The following EEFSEC variants were observed in gnomAD, a reference collection of about 807,000 sequenced individuals.
The protein encoded by EEFSEC is selenocysteine-specific elongation factor.
A neutral mutation model predicts 42.1 loss-of-function variants in EEFSEC; 43 were observed. The ratio of observed to expected loss-of-function variants is 1.02; its 90% CI spans 0.80 to 1.32. EEFSEC has a LOEUF of 1.32. Ranked by LOEUF, EEFSEC falls within the 40% of genes most tolerant of loss-of-function variation. EEFSEC has a pLI of 0.00. For missense variants in EEFSEC, 745 were observed against 803.6 expected, an observed-to-expected ratio of 0.93 and a Z score of 0.88; for synonymous variants, 354 against 339.1, an observed-to-expected ratio of 1.04 and a Z score of -0.48.
At chr3:128,330,666 G>A (rs1449417561) in intron 4 of EEFSEC, among the ~76,000 whole-genome samples, 2 of 152,076 alleles carry the variant, frequency 1.3e-5, no homozygotes, top group Non-Finnish European at 1.5e-5. Context: ...CACGCTGTGT[G>A]CAAGGGCCTT....
At chr3:128,407,364 C>T (rs1469405413) in intron 6 of EEFSEC, among the ~76,000 whole-genome samples, 2 of 152,206 alleles carry the variant, frequency 1.3e-5, no homozygotes, top group African/African-American at 4.8e-5. Context: ...CTCTGTGAGC[C>T]CCATGGCCCC....
chr3:128,263,920 C>G (rs2066324653), intron 3 of EEFSEC, among the ~76,000 whole-genome samples: 1 of 152,172 alleles, frequency 6.6e-6, no homozygotes, highest in South Asian at 2.1e-4. Flanking sequence ...CCCCTTGTTT[C>G]TTCTTCTTTC....
chr3:128,307,299 T>C (rs2066838950), intron 4 of EEFSEC, among the ~76,000 whole-genome samples: 1 of 152,194 alleles, frequency 6.6e-6, no homozygotes, highest in African/African-American at 2.4e-5. Flanking sequence ...TCAGAGTCCA[T>C]GTTCCCTGGG....
chr3:128,193,454 C>G (rs904670346), intron 1 of EEFSEC, among the ~76,000 whole-genome samples: 2 of 152,188 alleles, frequency 1.3e-5, no homozygotes, highest in Non-Finnish European at 1.5e-5. Context: ...TGCCTGTAGC[C>G]TGACTATTGG....
chr3:128,226,619 C>A lies in EEFSEC; in HGVS notation c.317-20217C>A, dbSNP rs189477487. Reference sequence around the variant, plus strand: ...CTCCCTCCAGTTGCTAAATTCCCCTCTTCTATGCTTGCTTAGCAGAAACTT... The same window carrying A: ...CTCCCTCCAGTTGCTAAATTCCCCTATTCTATGCTTGCTTAGCAGAAACTT... On this transcript the variant is annotated intron_variant, in intron 1 of 6. Transcript: ENST00000254730. Among the ~76,000 whole-genome samples, 110 of 152,288 alleles carry A rather than the reference C, an allele frequency of 7.2e-4. 3 individuals are homozygous for A. The East Asian group carries it at 0.019, about 26-fold the overall frequency.
At chr3:128,295,128 A>G (rs1272188334) in intron 4 of EEFSEC, among the ~76,000 whole-genome samples, 1 of 152,218 alleles carries the variant, frequency 6.6e-6, no homozygotes, top group Non-Finnish European at 1.5e-5. Flanking sequence ...AGGTGAAACA[A>G]AAAGAGGCCA....
the EEFSEC span, among the ~76,000 whole-genome samples, chr3:128,421,930 G>T: frequency 6.6e-6 from 1 of 152,152 alleles, no homozygotes; most frequent in African/African-American, 2.4e-5. Flanking sequence ...AGCTCCCTCC[G>T]CACTCCCCCG....
chr3:128,359,365 G>A (rs970882199), intron 6 of EEFSEC, among the ~76,000 whole-genome samples: 7 of 152,162 alleles, frequency 4.6e-5, no homozygotes, highest in Non-Finnish European at 8.8e-5. Flanking sequence ...GCCTGTGTTC[G>A]TATGAATGGG....
At chr3:128,160,148 C>T (rs1177271959) in intron 1 of EEFSEC, among the ~76,000 whole-genome samples, 1 of 152,242 alleles carries the variant, frequency 6.6e-6, no homozygotes. Flanking sequence ...TAGGGCCTGG[C>T]CTGTAGTGAA....
At chr3:128,242,268 A>C (rs113665683) in intron 1 of EEFSEC, among the ~76,000 whole-genome samples, 2 of 152,060 alleles carry the variant, frequency 1.3e-5, no homozygotes, top group African/African-American at 4.8e-5. Context: ...GCAGTGAGCT[A>C]TGATTGCACC....
intron 1 of EEFSEC, among the ~76,000 whole-genome samples, chr3:128,184,372 C>T (rs537085898): frequency 1.3e-5 from 2 of 152,292 alleles, no homozygotes; most frequent in Admixed American, 1.3e-4. Flanking sequence ...TCCTGGCCAC[C>T]GCCATTCTAT....
At chr3:128,192,203 G>A (rs757267043) in intron 1 of EEFSEC, among the ~76,000 whole-genome samples, 1 of 152,146 alleles carries the variant, frequency 6.6e-6, no homozygotes, top group Non-Finnish European at 1.5e-5. Flanking sequence ...CCTTGGCTGT[G>A]ACTTCACTCC....
chr3:128,292,506 T>A (rs2066654696), intron 4 of EEFSEC, among the ~76,000 whole-genome samples: 1 of 151,690 alleles, frequency 6.6e-6, no homozygotes, highest in South Asian at 2.1e-4. Context: ...TGATGTATAT[T>A]ATATATGATT....
chr3:128,187,780 G>C (rs1191269501), intron 1 of EEFSEC, among the ~76,000 whole-genome samples: 1 of 152,224 alleles, frequency 6.6e-6, no homozygotes, highest in African/African-American at 2.4e-5. Flanking sequence ...AGTCAGGGAA[G>C]ACTTCACAGA....
rs138218409 is a variant in EEFSEC, at chr3:128,343,765, C to T, written c.1443+1876C>T. ...ATATGGCCTCAATGACTCATGCCTC[C>T]GAAGGGCTGAGGGAGGGGCCAGGAG... is the stretch of plus-strand genomic sequence containing the variant. On this transcript the variant is annotated intron_variant, in intron 5 of 6. Transcript: ENST00000254730. Among the ~76,000 whole-genome samples the T allele has an allele frequency of 5.9e-5, 9 of 152,260 alleles. 1 individual carries two copies. The East Asian group carries it at 9.7e-4, about 16-fold the overall frequency.
chr3:128,338,291 C>G (rs1432304036), intron 4 of EEFSEC, among the ~76,000 whole-genome samples: 2 of 152,180 alleles, frequency 1.3e-5, no homozygotes, highest in African/African-American at 2.4e-5. Context: ...GCGGCACCCT[C>G]CCGCTGGGGC....
chr3:128,321,277 G>T (rs948480332), intron 4 of EEFSEC, among the ~76,000 whole-genome samples: 1 of 152,124 alleles, frequency 6.6e-6, no homozygotes, highest in African/African-American at 2.4e-5. Flanking sequence ...CTGGCTTTCT[G>T]CTTGTGTGTT....
intron 4 of EEFSEC, among the ~76,000 whole-genome samples, chr3:128,267,861 A>T (rs535375562): frequency 1.4e-4 from 21 of 152,358 alleles, no homozygotes; most frequent in African/African-American, 4.6e-4. Flanking sequence ...GGACCCCTTG[A>T]TGTATATAAG....
intron 1 of EEFSEC, among the ~76,000 whole-genome samples, chr3:128,166,483 G>A (rs1460288785): frequency 1.3e-5 from 2 of 152,138 alleles, no homozygotes; most frequent in Non-Finnish European, 2.9e-5. Flanking sequence ...AGGCACAGGT[G>A]GCTAGTGGCT....
Sources: gnomAD v4.1 joint callset for allele counts (sites outside exome capture counted in the v4.1 genomes callset) on GRCh38, gnomAD v4.1.1 for gene constraint, MANE v1.5 for transcripts, NCBI Gene and HGNC (gene_info 2026-07-23, HGNC 2026-07-21) for gene names.